Variants in CISD3 observed in about 807,000 individuals in gnomAD.
CISD3 encodes CDGSH iron-sulfur domain-containing protein 3, mitochondrial.
A neutral mutation model predicts 14.1 loss-of-function variants in CISD3; 11 were observed. That is an observed-to-expected ratio of 0.78 (90% CI 0.49 to 1.29). The LOEUF (loss-of-function observed/expected upper bound fraction) is 1.29, where lower values mean the gene tolerates loss of function less well. CISD3 is among the 50% of genes most tolerant of loss of function. The pLI is 0.00. For synonymous variants in CISD3, 53 were observed against 69.2 expected, an observed-to-expected ratio of 0.77 and a Z score of 1.16; for missense variants, 156 against 171.6, an observed-to-expected ratio of 0.91 and a Z score of 0.51.
In CISD3 at chr17:38,734,954, CA is replaced by C. The variant is rs1011833919; in HGVS notation, c.*1507del. On this transcript the variant is annotated 3_prime_UTR_variant, in exon 4 of 4. Coordinates refer to ENST00000613478, the MANE Select transcript of CISD3 (RefSeq NM_001136498.2). Reference sequence around the variant, plus strand: ...ACAGCAAATTACACAAGACCCCCCCCAAAAAAAATGAACACCATTTTCCACA... The same window carrying C: ...ACAGCAAATTACACAAGACCCCCCCCAAAAAAATGAACACCATTTTCCACA... The C allele has an allele frequency of 7.1e-4, 212 of 298,468 alleles. 1 individual carries two copies. The highest frequency in any genetic ancestry group is 9.2e-4 in the Non-Finnish European group (151 of 164,810). 18.5% of individuals were successfully genotyped at this position (298,468 alleles called of 1,614,324 possible). A position where few individuals can be genotyped will look rare whatever the true frequency, so the allele number is the denominator to read the frequency against.
chr17:38,730,558 G>C, intron 1 of CISD3, 152 bp downstream of exon 1: 1 of 868,992 alleles, frequency 1.2e-6, no homozygotes, highest in South Asian at 1.7e-5. Context: ...CTTTTCCCGA[G>C]CGCCAGTCCC....
chr17:38,730,854 A>G (rs1906300661), intron 2 of CISD3, 59 bp downstream of exon 2: 1 of 1,493,112 alleles, frequency 6.7e-7, no homozygotes. Flanking sequence ...GGAGATCTCA[A>G]AGGCAGAAAC....
intron 3 of CISD3, among the ~76,000 whole-genome samples, chr17:38,732,817 G>A (rs937077351): frequency 2.0e-5 from 3 of 151,916 alleles, no homozygotes; most frequent in Non-Finnish European, 2.9e-5. Context: ...TCCCTGTCAC[G>A]TGCCCAGTTA....
intron 3 of CISD3, among the ~76,000 whole-genome samples, 183 bp downstream of exon 3, chr17:38,731,622 T>G (rs12452967): frequency 0.2 from 31,046 of 152,068 alleles, 4,171 homozygotes; most frequent in African/African-American, 0.38. Context: ...CCCCTTGCAA[T>G]GAAGCCAGAG....
At chr17:38,730,430 G>A (rs1906278553) in intron 1 of CISD3, 24 bp downstream of exon 1, 2 of 1,306,756 alleles carry the variant, frequency 1.5e-6, no homozygotes, top group Admixed American at 3.9e-5. Context: ...CCCTGCACCA[G>A]CCCCCGTCCC....
rs1044652827 is a variant in CISD3 at position 38,731,262 on chromosome 17, C to T, written c.85-58C>T. The T allele has an allele frequency of 7.2e-6, 11 of 1,538,280 alleles. No homozygotes were observed. The Middle Eastern group carries it at 8.9e-4, about 125-fold the overall frequency. ...TGGGAAACTAGGAAGGGTCGCAGGC[C>T]GGACGGTGCTTCCAGGGCTTGAGCT... On this transcript the variant is annotated intron_variant, in intron 2 of 3. Transcript: ENST00000613478.
At position 38,732,938 on chromosome 17, in the gene CISD3, GACACACACAC is replaced by G. The variant is rs148830489; in HGVS notation, c.205-317_205-308del. On this transcript the variant is annotated intron_variant, in intron 3 of 3. Transcript: ENST00000613478. The stretch of plus-strand genomic sequence containing the variant: ...TTTCATGATCCAGTGGAGACTCAGA[GACACACACAC>G]ACACACACACACACACACACTCACA... 2.0e-4 allele frequency among the ~76,000 whole-genome samples: 23 copies of G among 116,668 alleles called. No individual in the cohort carries two copies. In the South Asian group the frequency reaches 3.2e-3, roughly 16 times the overall value. The allele number at this position is 116,668 out of a possible 152,430, so 76.5% of individuals were successfully genotyped here.
Position 38,733,392 on chromosome 17 carries a change from G to A in CISD3, c.321G>A (p.Pro107=), listed in dbSNP as rs1292915039. The A allele has an allele frequency of 1.9e-5, 30 of 1,551,506 alleles. No individual in the cohort carries two copies. Among genetic ancestry groups the A allele is most frequent in the Middle Eastern group, 1.7e-4 (1 of 6,010 alleles). ...CCTGCAAGGCCACTCAGAGGCCCCC[G>A]TACTGCGATGGCACCCACAGGAGTG... ...LCTCKATQRP[P]YCDGTHRSER... is the part of the protein sequence containing the mutation. Residue 107 remains proline (P), a synonymous_variant, in exon 4 of 4, where the codon CCG becomes CCA. Transcript: ENST00000613478.
intron 1 of CISD3, 134 bp from the exon 2 acceptor site, chr17:38,730,626 C>A: frequency 1.1e-6 from 1 of 936,984 alleles, no homozygotes; most frequent in Non-Finnish European, 1.7e-6. Flanking sequence ...CCCTCTCATT[C>A]CTCCCTCGCC....
chr17:38,731,477 C>A (rs1393867045), intron 3 of CISD3, 38 bp downstream of exon 3: 2 of 1,551,008 alleles, frequency 1.3e-6, no homozygotes, highest in South Asian at 2.4e-5. Context: ...ATACCTCTGG[C>A]TAGGAACAGC....
intron 3 of CISD3, 72 bp downstream of exon 3, chr17:38,731,511 C>A: frequency 1.3e-6 from 2 of 1,535,478 alleles, no homozygotes; most frequent in Non-Finnish European, 1.8e-6. Context: ...TGAGTTCCCA[C>A]CCAGGATGAT....
chr17:38,734,205 G>A lies in CISD3; in HGVS notation c.*750G>A, dbSNP rs1229959423. On this transcript the variant is annotated 3_prime_UTR_variant, in exon 4 of 4. Coordinates refer to ENST00000613478, the MANE Select transcript of CISD3 (RefSeq NM_001136498.2). The stretch of plus-strand genomic sequence containing the variant: ...AGAGCTTACAGGTTTCTGTCTTCTT[G>A]TGCTTTTAGATGCAGTTGCTCTGTC... 1.3e-5 allele frequency: 2 copies of A among 152,568 alleles called. No individual in the cohort carries two copies. Among genetic ancestry groups the A allele is most frequent in the African/African-American group, 2.4e-5 (1 of 41,420 alleles). 9.5% of individuals were successfully genotyped at this position (152,568 alleles called of 1,614,324 possible). A position where few individuals can be genotyped will look rare whatever the true frequency, so the allele number is the denominator to read the frequency against.
rs770193210 is a variant in CISD3 at position 38,735,233 on chromosome 17, G to T, written c.*1778G>T. The T allele has an allele frequency of 2.3e-5, 33 of 1,428,412 alleles. No homozygotes were observed. The highest frequency in any genetic ancestry group is 3.7e-4 in the Middle Eastern group (2 of 5,402). 88.5% of individuals were successfully genotyped at this position (1,428,412 alleles called of 1,614,324 possible). ...AGAGGGTCCCTGGCCTCAAGTTAAG[G>T]GGGGCACGGGAGCGCCGTTGACAGT... On this transcript the variant is annotated 3_prime_UTR_variant, in exon 4 of 4. Coordinates refer to ENST00000613478, the MANE Select transcript of CISD3 (RefSeq NM_001136498.2).
Position 38,733,720 on chromosome 17 carries a change from G to C in CISD3, c.*265G>C. 3 of 460,846 alleles carry C rather than the reference G, an allele frequency of 6.5e-6. No homozygotes were observed. Among genetic ancestry groups the C allele is most frequent in the Non-Finnish European group, 1.1e-5 (3 of 261,896 alleles). 28.5% of individuals were successfully genotyped at this position (460,846 alleles called of 1,614,324 possible). On this transcript the variant is annotated 3_prime_UTR_variant, in exon 4 of 4. Coordinates refer to ENST00000613478, the MANE Select transcript of CISD3 (RefSeq NM_001136498.2). ...GGTAGTCCTGCAGTCACTGCTATGAGGCCCACGTGCTGCCTCCTGCTCCAG... is the reference window on the plus strand; with the variant it reads ...GGTAGTCCTGCAGTCACTGCTATGACGCCCACGTGCTGCCTCCTGCTCCAG...
At chr17:38,732,955 ACACACACACACACT>A (rs1321799793) in intron 3 of CISD3, among the ~76,000 whole-genome samples, 4 of 115,296 alleles carry the variant, frequency 3.5e-5, no homozygotes, top group Admixed American at 9.5e-5. Context: ...ACACACACAC[ACACACACACACACT>A]CACACTCTAT....
intron 3 of CISD3, 108 bp downstream of exon 3, chr17:38,731,547 G>A: frequency 1.4e-6 from 2 of 1,419,508 alleles, no homozygotes; most frequent in Non-Finnish European, 1.9e-6. Flanking sequence ...CATACCTGAG[G>A]GACACCAAGG....
In CISD3 at chr17:38,733,400, A is replaced by T; in HGVS notation, c.329A>T (p.Asp110Val). The change falls in exon 4 of 4, where the codon GAT becomes GTT. Residue 110 changes from aspartate to valine, a missense_variant. Physicochemically the swap from Asp to Val is radical, Grantham distance 152. Coordinates refer to ENST00000613478, the MANE Select transcript of CISD3 (RefSeq NM_001136498.2). ...CKATQRPPYCDGTHRSERVQK... is the reference protein window; with the variant it reads ...CKATQRPPYCVGTHRSERVQK... ...GCCACTCAGAGGCCCCCGTACTGCG[A>T]TGGCACCCACAGGAGTGAGCGCGTG... The T allele has an allele frequency of 6.4e-7, 1 of 1,551,592 alleles. No homozygotes were observed. The highest frequency in any genetic ancestry group is 8.7e-7 in the Non-Finnish European group (1 of 1,146,940).
At chr17:38,731,174 G>A (rs541199985) in intron 2 of CISD3, 146 bp from the exon 3 acceptor site, 25 of 1,089,412 alleles carry the variant, frequency 2.3e-5, no homozygotes, top group African/African-American at 4.8e-5. Context: ...CCTGGGGAAC[G>A]GTCTTGTTGG....
intron 3 of CISD3, 61 bp downstream of exon 3, chr17:38,731,500 G>C (rs1906334942): frequency 1.3e-6 from 2 of 1,546,506 alleles, no homozygotes; most frequent in Non-Finnish European, 1.7e-6. Context: ...GGTGTCTCCA[G>C]TGAGTTCCCA....
Sources: gnomAD v4.1 joint callset for allele counts (sites outside exome capture counted in the v4.1 genomes callset) on GRCh38, gnomAD v4.1.1 for gene constraint, MANE v1.5 for transcripts, NCBI Gene and HGNC (gene_info 2026-07-23, HGNC 2026-07-21) for gene names.